The following XRCC4 variants were observed in gnomAD, a reference collection of about 807,000 sequenced individuals.
XRCC4 encodes X-ray repair cross complementing 4.
In XRCC4, 28 loss-of-function variants were observed where a neutral mutation model predicts 39.1. That is an observed-to-expected ratio of 0.72 (90% confidence interval 0.53 to 0.98). XRCC4 has a LOEUF of 0.98. Among genes scored for constraint, XRCC4 ranks in the 50% least tolerant of loss-of-function variants. The probability of loss-of-function intolerance (pLI) is 0.00; values close to 1 mark genes in which losing one functional copy is unlikely to be tolerated. For missense variants in XRCC4, 350 were observed against 376.4 expected (o/e 0.93, Z 0.58); for synonymous variants, 123 against 126.4 (o/e 0.97, Z 0.18).
At chr5:83,326,959 C>T (rs1756282766) in intron 7 of XRCC4, among the ~76,000 whole-genome samples, 1 of 152,028 alleles carries the variant, frequency 6.6e-6, no homozygotes, top group Non-Finnish European at 1.5e-5. Context: ...TGGCATACAC[C>T]TGCACGTTAA....
chr5:83,258,477 C>A (rs1399651062), intron 6 of XRCC4, 53 bp from the exon 7 acceptor site: 7 of 1,577,350 alleles, frequency 4.4e-6, no homozygotes, highest in African/African-American at 1.4e-5. Flanking sequence ...TTAATACTTA[C>A]AAATGATGTG....
chr5:83,181,633 C>T (rs1580338260), intron 3 of XRCC4, among the ~76,000 whole-genome samples: 1 of 152,170 alleles, frequency 6.6e-6, no homozygotes, highest in East Asian at 1.9e-4. Flanking sequence ...GGTACTTCAA[C>T]AAAGATTTAA....
chr5:83,207,877 A>G (rs898341263), intron 6 of XRCC4, among the ~76,000 whole-genome samples: 1 of 152,028 alleles, frequency 6.6e-6, no homozygotes, highest in Non-Finnish European at 1.5e-5. Context: ...TGCCATCTTG[A>G]TAATAAATTA....
At chr5:83,340,429 C>T (rs889044502) in intron 7 of XRCC4, among the ~76,000 whole-genome samples, 2 of 152,062 alleles carry the variant, frequency 1.3e-5, no homozygotes, top group Non-Finnish European at 2.9e-5. Flanking sequence ...TGAAATTATC[C>T]TGGATTATCC....
chr5:83,340,613 C>T (rs944514134), intron 7 of XRCC4, among the ~76,000 whole-genome samples: 3 of 136,212 alleles, frequency 2.2e-5, no homozygotes, highest in African/African-American at 7.7e-5. Flanking sequence ...GTGGCCTCTA[C>T]AAGCTAAAAA....
intron 6 of XRCC4, among the ~76,000 whole-genome samples, chr5:83,218,062 T>TATA (rs1554065873): frequency 1.5e-4 from 22 of 147,612 alleles, no homozygotes; most frequent in East Asian, 5.9e-4. Context: ...TTTACCTTTT[T>TATA]TATATATATA....
intron 7 of XRCC4, among the ~76,000 whole-genome samples, chr5:83,259,754 G>T (rs1008356642): frequency 6.6e-6 from 1 of 151,916 alleles, no homozygotes; most frequent in Non-Finnish European, 1.5e-5. Flanking sequence ...ATTTTCTCAG[G>T]TTTAATTTTC....
intron 7 of XRCC4, among the ~76,000 whole-genome samples, chr5:83,282,835 C>G (rs1754595013): frequency 6.6e-6 from 1 of 151,898 alleles, no homozygotes; most frequent in Non-Finnish European, 1.5e-5. Context: ...GAGCAAGACT[C>G]CATCTCAAAA....
chr5:83,230,311 A>AT (rs1164744957), intron 6 of XRCC4, among the ~76,000 whole-genome samples: 1 of 151,946 alleles, frequency 6.6e-6, no homozygotes, highest in Non-Finnish European at 1.5e-5. Flanking sequence ...GTTTTTCAAG[A>AT]TTTTTCAACT....
intron 3 of XRCC4, among the ~76,000 whole-genome samples, chr5:83,152,006 G>A (rs775377069): frequency 1.3e-4 from 20 of 152,186 alleles, no homozygotes; most frequent in Non-Finnish European, 2.9e-4. Flanking sequence ...ACCATGGTTA[G>A]CCAAGTGTTG....
chr5:83,333,211 C>T (rs1490327665), intron 7 of XRCC4, among the ~76,000 whole-genome samples: 6 of 152,152 alleles, frequency 3.9e-5, no homozygotes, highest in Admixed American at 3.9e-4. Context: ...TCAAGGTCCA[C>T]TTCTTAAGAC....
At chr5:83,125,396 A>G (rs1747209805) in intron 3 of XRCC4, among the ~76,000 whole-genome samples, 1 of 152,160 alleles carries the variant, frequency 6.6e-6, no homozygotes, top group African/African-American at 2.4e-5. Flanking sequence ...GGTTTCTTTT[A>G]AAGGTTTTGT....
At chr5:83,129,610 A>C (rs376236455) in intron 3 of XRCC4, among the ~76,000 whole-genome samples, 5 of 152,064 alleles carry the variant, frequency 3.3e-5, no homozygotes, top group Admixed American at 3.3e-4. Context: ...ATCCATGAGC[A>C]TGGAATGTTC....
intron 3 of XRCC4, among the ~76,000 whole-genome samples, chr5:83,150,488 A>G (rs1325788265): frequency 1.3e-5 from 2 of 152,160 alleles, no homozygotes; most frequent in Non-Finnish European, 2.9e-5. Context: ...TTTCCCAGAT[A>G]ACTTAACTAA....
At chr5:83,231,594 G>A (rs1027426182) in intron 6 of XRCC4, among the ~76,000 whole-genome samples, 8 of 152,016 alleles carry the variant, frequency 5.3e-5, no homozygotes, top group South Asian at 4.1e-4. Context: ...GACTCTTATC[G>A]TTATTATCTG....
At chr5:83,161,090 A>C (rs965238086) in intron 3 of XRCC4, among the ~76,000 whole-genome samples, 4 of 150,170 alleles carry the variant, frequency 2.7e-5, no homozygotes, top group Non-Finnish European at 5.9e-5. Context: ...GTAAGTGGCC[A>C]CAGTGATTTC....
intron 7 of XRCC4, among the ~76,000 whole-genome samples, chr5:83,270,071 T>A (rs1435194376): frequency 6.6e-6 from 1 of 152,142 alleles, no homozygotes; most frequent in Non-Finnish European, 1.5e-5. Context: ...TTAGCAGGCA[T>A]TAGATTCTCA....
intron 3 of XRCC4, among the ~76,000 whole-genome samples, chr5:83,135,794 C>T (rs1206702955): frequency 2.6e-5 from 4 of 152,010 alleles, no homozygotes; most frequent in African/African-American, 4.8e-5. Context: ...TGTTTACATT[C>T]TTGAACATAG....
intron 1 of XRCC4, 181 bp downstream of exon 1, chr5:83,077,796 T>G (rs933099635): frequency 2.4e-5 from 4 of 163,866 alleles, no homozygotes; most frequent in Non-Finnish European, 4.1e-5. Context: ...TTGGGGATGC[T>G]AGGGTTCTCG....
Sources: gnomAD v4.1 joint callset for allele counts (sites outside exome capture counted in the v4.1 genomes callset) on GRCh38, gnomAD v4.1.1 for gene constraint, MANE v1.5 for transcripts, NCBI Gene and HGNC (gene_info 2026-07-23, HGNC 2026-07-21) for gene names.